Variants in PROCR observed in about 807,000 individuals in gnomAD.
The protein encoded by PROCR is protein C receptor.
A neutral mutation model predicts 24.2 loss-of-function variants in PROCR; 22 were observed. The observed-to-expected ratio is 0.91, with a 90% CI of 0.65 to 1.30. The LOEUF (loss-of-function observed/expected upper bound fraction) is 1.30. Among genes scored for constraint, PROCR ranks in the 50% most tolerant of loss-of-function variants. The pLI is 0.00. For synonymous variants in PROCR, 137 were observed against 139.2 expected (o/e 0.98, Z 0.11); for missense variants, 288 against 307.7 (o/e 0.94, Z 0.48).
chr20:35,207,619 T>C (rs1296050224), intron 1 of PROCR, among the ~76,000 whole-genome samples: 2 of 151,764 alleles, frequency 1.3e-5, no homozygotes, highest in Admixed American at 1.3e-4. Flanking sequence ...AACCTCTGCC[T>C]CCCAAGTTCA....
intron 1 of PROCR, 79 bp from the exon 2 acceptor site, chr20:35,174,623 C>T (rs2085987173): frequency 1.1e-5 from 17 of 1,586,154 alleles, no homozygotes; most frequent in Non-Finnish European, 1.5e-5. Flanking sequence ...CGGCCAGCCT[C>T]GAGGTAGGGG....
downstream of PROCR, among the ~76,000 whole-genome samples, chr20:35,179,181 C>T (rs1311399258): frequency 1.4e-5 from 2 of 141,470 alleles, no homozygotes; most frequent in Non-Finnish European, 3.0e-5. Flanking sequence ...TGCAGTGAGC[C>T]GAGATCACGC....
chr20:35,176,533 G>T (rs774462530), intron 3 of PROCR, 87 bp downstream of exon 3: 106 of 1,600,134 alleles, frequency 6.6e-5, no homozygotes, highest in Non-Finnish European at 8.2e-5. Flanking sequence ...GATGCCTAGA[G>T]CAACAAGAGG....
At chr20:35,199,632 C>G (rs1226840429) in intron 1 of PROCR, among the ~76,000 whole-genome samples, 2 of 151,800 alleles carry the variant, frequency 1.3e-5, no homozygotes, top group East Asian at 3.9e-4. Flanking sequence ...GCCTGTAGTC[C>G]CAGCTACTTG....
intron 1 of PROCR, among the ~76,000 whole-genome samples, chr20:35,198,939 C>T (rs952012961): frequency 2.6e-5 from 4 of 152,262 alleles, no homozygotes; most frequent in Admixed American, 2.0e-4. Context: ...TGGTCTCGAA[C>T]TCCTGACCTC....
At chr20:35,189,295 G>T (rs990011241) in intron 1 of PROCR, among the ~76,000 whole-genome samples, 1 of 150,588 alleles carries the variant, frequency 6.6e-6, no homozygotes, top group Non-Finnish European at 1.5e-5. Context: ...GGCCACTCTG[G>T]AGGGGTGTCT....
chr20:35,176,442 G>A lies in PROCR; in HGVS notation c.597G>A (p.Thr199=), dbSNP rs773211975. The change falls in exon 3 of 4, where the codon ACG becomes ACA. Residue 199 remains threonine, a synonymous_variant. Transcript: ENST00000216968. ...AGAAACATATTTCCGCGGAAAACAC[G>A]AAAGGTATGATGGGACGGGGCCCAG... ...YVQKHISAEN[T]KGSQTSRSYT... 6 of 1,613,884 alleles carry A rather than the reference G, an allele frequency of 3.7e-6. No individual in the cohort carries two copies. In the South Asian group the frequency reaches 5.5e-5, roughly 15 times the overall value.
chr20:35,190,125 C>G (rs143649876), intron 1 of PROCR, among the ~76,000 whole-genome samples: 34 of 152,178 alleles, frequency 2.2e-4, no homozygotes, highest in Non-Finnish European at 4.7e-4. Context: ...TTCTCACACC[C>G]AGTAAAAAGA....
intron 1 of PROCR, among the ~76,000 whole-genome samples, chr20:35,173,077 C>G (rs2085965717): frequency 1.3e-5 from 2 of 152,164 alleles, no homozygotes; most frequent in Admixed American, 6.5e-5. Flanking sequence ...TCTGCAGATA[C>G]AAAGCACAAC....
intron 1 of PROCR, among the ~76,000 whole-genome samples, chr20:35,183,041 G>C (rs560813958): frequency 6.7e-6 from 1 of 150,036 alleles, no homozygotes; most frequent in African/African-American, 2.4e-5. Context: ...ATTTACTCTT[G>C]TAGCTATCAT....
At chr20:35,210,032 A>G (rs568375197) in intron 1 of PROCR, among the ~76,000 whole-genome samples, 14 of 152,170 alleles carry the variant, frequency 9.2e-5, no homozygotes, top group Admixed American at 4.6e-4. Flanking sequence ...TTTGAGACCA[A>G]CCTGGGCAAC....
chr20:35,188,832 G>A (rs1364762373), intron 1 of PROCR, among the ~76,000 whole-genome samples: 2 of 152,160 alleles, frequency 1.3e-5, no homozygotes, highest in African/African-American at 2.4e-5. Flanking sequence ...CAGGGACCCC[G>A]AACAGAGGGA....
intron 1 of PROCR, among the ~76,000 whole-genome samples, 192 bp downstream of exon 1, chr20:35,172,416 G>C (rs561223917): frequency 2.0e-5 from 3 of 152,086 alleles, no homozygotes; most frequent in African/African-American, 7.3e-5. Flanking sequence ...GTACATTTAA[G>C]CCCCTGAAAA....
intron 1 of PROCR, among the ~76,000 whole-genome samples, chr20:35,189,797 C>T (rs932437560): frequency 6.6e-6 from 1 of 152,102 alleles, no homozygotes; most frequent in South Asian, 2.1e-4. Context: ...GGCTGGTTCC[C>T]CCAATACCCT....
At chr20:35,204,839 T>C (rs1600753137) in intron 1 of PROCR, among the ~76,000 whole-genome samples, 1 of 152,232 alleles carries the variant, frequency 6.6e-6, no homozygotes, top group African/African-American at 2.4e-5. Context: ...TATAGAACAA[T>C]ACTTCACATG....
At chr20:35,198,717 CTT>C (rs756605474) in intron 1 of PROCR, among the ~76,000 whole-genome samples, 9 of 142,072 alleles carry the variant, frequency 6.3e-5, no homozygotes, top group Admixed American at 7.1e-5. Context: ...CCATCAAGGA[CTT>C]TTTTTTTTTT....
At chr20:35,180,834 GT>G (rs937046120), downstream of PROCR, among the ~76,000 whole-genome samples, 1 of 151,140 alleles carries the variant, frequency 6.6e-6, no homozygotes, top group Non-Finnish European at 1.5e-5. Context: ...TCATTATTCC[GT>G]TTTTTGTTGT....
At chr20:35,193,373 AC>A (rs2086190350) in intron 1 of PROCR, among the ~76,000 whole-genome samples, 1 of 152,006 alleles carries the variant, frequency 6.6e-6, no homozygotes, top group Non-Finnish European at 1.5e-5. Flanking sequence ...ACGGGGTTTC[AC>A]TGTGTTGGCC....
intron 1 of PROCR, among the ~76,000 whole-genome samples, chr20:35,209,189 C>T (rs2060353073): frequency 6.6e-6 from 1 of 152,116 alleles, no homozygotes. Flanking sequence ...TTAGGGAAAT[C>T]TTACATGAAG....
Sources: gnomAD v4.1 joint callset for allele counts (sites outside exome capture counted in the v4.1 genomes callset) on GRCh38, gnomAD v4.1.1 for gene constraint, MANE v1.5 for transcripts, NCBI Gene and HGNC (gene_info 2026-07-23, HGNC 2026-07-21) for gene names.